RORA: variants seen among roughly 807,000 people sequenced by gnomAD.
The protein encoded by RORA is RAR related orphan receptor A, also known as nuclear receptor ROR-alpha.
Under a neutral mutation model 69.5 loss-of-function variants are expected in RORA, and 7 were observed. The observed-to-expected ratio is 0.10, with a 90% confidence interval of 0.06 to 0.19. RORA has a LOEUF of 0.19. RORA is among the 10% of genes least tolerant of loss of function. The pLI is 1.00. For synonymous variants in RORA, 261 were observed against 240.8 expected, an observed-to-expected ratio of 1.08 and a Z score of -0.78; for missense variants, 457 against 663.0, an observed-to-expected ratio of 0.69 and a Z score of 3.41.
intron 1 of RORA, among the ~76,000 whole-genome samples, chr15:60,747,200 A>G (rs1032396466): frequency 6.6e-6 from 1 of 152,250 alleles, no homozygotes; most frequent in African/African-American, 2.4e-5. Flanking sequence ...CCCAGATAAC[A>G]GCAATGTTTT....
chr15:61,026,751 G>C (rs372341723), intron 1 of RORA, among the ~76,000 whole-genome samples: 1 of 152,128 alleles, frequency 6.6e-6, no homozygotes, highest in Non-Finnish European at 1.5e-5. Flanking sequence ...TGCATCCTTT[G>C]CCTGTTCCTA....
chr15:61,021,539 T>C (rs1310045018), intron 1 of RORA, among the ~76,000 whole-genome samples: 2 of 152,198 alleles, frequency 1.3e-5, no homozygotes, highest in Admixed American at 6.5e-5. Context: ...ACATTGAGGC[T>C]GATCAAGGTT....
intron 1 of RORA, among the ~76,000 whole-genome samples, chr15:60,909,636 C>T (rs528271143): frequency 6.6e-6 from 1 of 152,268 alleles, no homozygotes; most frequent in South Asian, 2.1e-4. Flanking sequence ...GGCAGAGAGA[C>T]AGAGGAAGAG....
At chr15:60,686,254 C>T (rs1032355855) in intron 1 of RORA, among the ~76,000 whole-genome samples, 2 of 152,138 alleles carry the variant, frequency 1.3e-5, no homozygotes, top group Admixed American at 1.3e-4. Context: ...CATAAAGAGA[C>T]CATCAGTCTA....
intron 1 of RORA, among the ~76,000 whole-genome samples, chr15:60,755,650 G>A (rs1423995058): frequency 6.6e-6 from 1 of 152,164 alleles, no homozygotes; most frequent in Non-Finnish European, 1.5e-5. Context: ...GCAGAGAGCT[G>A]AGTCTTTTTC....
At position 60,644,168 on chromosome 15, in the gene RORA, G is replaced by A. The variant is rs567318132; in HGVS notation, c.196+34489C>T. On this transcript the variant is annotated intron_variant, in intron 2 of 10. Transcript: ENST00000335670. ...AACATTTCTTATACAGGCAGCATGA[G>A]GGAGAGGAGAGAGGACTATTTTACC... Among the ~76,000 whole-genome samples the A allele has an allele frequency of 4.0e-4, 61 of 152,326 alleles. 4 individuals carry two copies. The highest frequency in any genetic ancestry group is 1.4e-3 in the African/African-American group (60 of 41,568).
intron 1 of RORA, among the ~76,000 whole-genome samples, chr15:61,179,626 G>A (rs1355448565): frequency 6.6e-6 from 1 of 152,116 alleles, no homozygotes; most frequent in Admixed American, 6.6e-5. Context: ...AAGGGGTCAC[G>A]AGATCAAAAA....
intron 3 of RORA, among the ~76,000 whole-genome samples, chr15:60,522,002 C>G (rs759181442): frequency 1.8e-4 from 28 of 152,294 alleles, no homozygotes; most frequent in Non-Finnish European, 3.8e-4. Context: ...GAATTTTTCA[C>G]TGATCCCATT....
chr15:61,123,691 TC>T (rs1385819449), intron 1 of RORA, among the ~76,000 whole-genome samples: 1 of 152,182 alleles, frequency 6.6e-6, no homozygotes, highest in Non-Finnish European at 1.5e-5. Flanking sequence ...TTTTTAACTG[TC>T]CCTTCCCCGT....
intron 1 of RORA, among the ~76,000 whole-genome samples, chr15:61,185,743 C>T (rs897002692): frequency 3.9e-5 from 6 of 152,186 alleles, no homozygotes; most frequent in Admixed American, 2.0e-4. Flanking sequence ...CTAGAACATC[C>T]CTATCTGCAC....
At chr15:60,906,310 T>C (rs1262224275) in intron 1 of RORA, among the ~76,000 whole-genome samples, 1 of 152,238 alleles carries the variant, frequency 6.6e-6, no homozygotes, top group Admixed American at 6.5e-5. Flanking sequence ...TTCCCCTAGA[T>C]GTAACAAAAT....
intron 1 of RORA, among the ~76,000 whole-genome samples, chr15:61,028,093 C>T (rs1214413392): frequency 6.6e-6 from 1 of 152,214 alleles, no homozygotes; most frequent in Admixed American, 6.5e-5. Context: ...TCCCATTCCT[C>T]TTCACATCTG....
intron 8 of RORA, among the ~76,000 whole-genome samples, chr15:60,501,632 C>T (rs2065334533): frequency 6.6e-6 from 1 of 152,196 alleles, no homozygotes; most frequent in Non-Finnish European, 1.5e-5. Flanking sequence ...TAAATTAACT[C>T]ATTTTTGTTT....
rs563621306 is a variant in RORA at position 61,042,282 on chromosome 15, A to G, written c.166+186771T>C. On this transcript the variant is annotated intron_variant, in intron 1 of 10. Transcript: ENST00000335670. The stretch of plus-strand genomic sequence containing the variant: ...TATAATTTATTGTCCAAACCATGAA[A>G]GAAGGTGCTATCAATAATTATCCAG... Among the ~76,000 whole-genome samples, 8 of 152,326 alleles carry G rather than the reference A, an allele frequency of 5.3e-5. 1 individual carries two copies. The South Asian group carries it at 1.7e-3, about 32-fold the overall frequency.
chr15:60,947,334 T>C (rs1892923363), intron 1 of RORA, among the ~76,000 whole-genome samples: 1 of 152,202 alleles, frequency 6.6e-6, no homozygotes, highest in Admixed American at 6.5e-5. Context: ...AGACTCCATT[T>C]TGTTCTGTAC....
intron 1 of RORA, among the ~76,000 whole-genome samples, chr15:60,979,268 C>CTTTTTTTTT (rs767729204): frequency 9.3e-5 from 6 of 64,266 alleles, no homozygotes; most frequent in African/African-American, 2.7e-4. Flanking sequence ...CTAGCCCTTG[C>CTTTTTTTTT]TTTTTTTTTT....
intron 2 of RORA, among the ~76,000 whole-genome samples, chr15:60,532,346 T>C (rs183358563): frequency 6.6e-6 from 1 of 152,354 alleles, no homozygotes; most frequent in African/African-American, 2.4e-5. Flanking sequence ...GAATTCCTTA[T>C]CTTTTAAAAA....
chr15:60,597,503 T>C (rs1365589741), intron 2 of RORA, among the ~76,000 whole-genome samples: 1 of 82,228 alleles, frequency 1.2e-5, no homozygotes, highest in Non-Finnish European at 2.4e-5. Flanking sequence ...CTGGCAGTGG[T>C]ACAGGAGATA....
At chr15:60,865,537 C>A (rs1467679879) in intron 1 of RORA, among the ~76,000 whole-genome samples, 1 of 152,230 alleles carries the variant, frequency 6.6e-6, no homozygotes, top group Non-Finnish European at 1.5e-5. Context: ...CAATGCCCTG[C>A]TGTTACACTT....
Sources: allele counts gnomAD v4.1 joint callset (sites outside exome capture counted in the v4.1 genomes callset), GRCh38; gene constraint gnomAD v4.1.1; transcripts MANE v1.5; gene names NCBI Gene and HGNC (gene_info 2026-07-23, HGNC 2026-07-21).